The following ARHGEF28 variants were observed in gnomAD, a reference collection of about 807,000 sequenced individuals.
ARHGEF28 encodes 190 kDa guanine nucleotide exchange factor.
A neutral mutation model predicts 206.6 loss-of-function variants in ARHGEF28; 152 were observed. That is an observed-to-expected ratio of 0.74 (90% confidence interval 0.64 to 0.84). The LOEUF (loss-of-function observed/expected upper bound fraction) is 0.84. Ranked by LOEUF, ARHGEF28 falls within the 40% of genes least tolerant of loss-of-function variation. ARHGEF28 has a pLI of 0.00. For missense variants in ARHGEF28, 2,028 were observed against 2,073.2 expected, an observed-to-expected ratio of 0.98 and a Z score of 0.42; for synonymous variants, 763 against 776.4, an observed-to-expected ratio of 0.98 and a Z score of 0.29.
intron 21 of ARHGEF28, 103 bp downstream of exon 21, chr5:73,870,312 AT>A: frequency 7.4e-7 from 1 of 1,347,296 alleles, no homozygotes; most frequent in Admixed American, 2.8e-5. Context: ...CAGTTCTATC[AT>A]TTTCTATTTA....
At chr5:73,667,681 T>G (rs1476785467) in intron 1 of ARHGEF28, among the ~76,000 whole-genome samples, 1 of 152,236 alleles carries the variant, frequency 6.6e-6, no homozygotes, top group Non-Finnish European at 1.5e-5. Context: ...GGCTGAGAGT[T>G]TCCCAAACCT....
chr5:73,828,940 C>T (rs1757114563), intron 9 of ARHGEF28, among the ~76,000 whole-genome samples: 2 of 152,146 alleles, frequency 1.3e-5, no homozygotes, highest in African/African-American at 4.8e-5. Context: ...CTCACTTCAG[C>T]TTCCTGAGTA....
At position 73,846,445 on chromosome 5, in the gene ARHGEF28, C is replaced by T. The variant is rs748077013; in HGVS notation, c.1605C>T (p.Ser535=). The change falls in exon 12 of 36, where the codon TCC becomes TCT. Residue 535 remains serine, a synonymous_variant. Transcript: ENST00000513042. ...EPDFNISRAE[S]LPLSSNLQSK... ...ATTTTAATATCTCCAGGGCTGAATC[C>T]CTTCCTCTATCAAGTAATCTACAGT... 6.2e-7 allele frequency: 1 copy of T among 1,613,848 alleles called. No individual in the cohort carries two copies.
intron 2 of ARHGEF28, among the ~76,000 whole-genome samples, chr5:73,727,664 T>G (rs74796496): frequency 1.3e-5 from 2 of 152,208 alleles, no homozygotes; most frequent in Admixed American, 1.3e-4. Context: ...TTTTCTTGGA[T>G]ATCATCCTTT....
intron 9 of ARHGEF28, among the ~76,000 whole-genome samples, chr5:73,806,039 A>T (rs1426476411): frequency 6.6e-6 from 1 of 151,544 alleles, no homozygotes; most frequent in East Asian, 1.9e-4. Flanking sequence ...TGCTCATTTG[A>T]TACCTCATAG....
At chr5:73,828,622 T>TCCTTTTTCCTTTCCTTTCTTTTTC (rs1757068230) in intron 9 of ARHGEF28, among the ~76,000 whole-genome samples, 1 of 151,818 alleles carries the variant, frequency 6.6e-6, no homozygotes. Flanking sequence ...CTTTCTTTTT[T>TCCTTTTTCCTTTCCTTTCTTTTTC]CCTTTTTCCT....
At position 73,941,210 on chromosome 5, in the gene ARHGEF28, C is replaced by A; in HGVS notation, c.*197C>A. The stretch of plus-strand genomic sequence containing the variant: ...GCCACCCTGTTTGTATAATCTTTAA[C>A]TTATCAAATCTAATTTCAGATTTCT... On this transcript the variant is annotated 3_prime_UTR_variant, in exon 36 of 36. Coordinates refer to ENST00000513042, the MANE Select transcript of ARHGEF28 (RefSeq NM_001177693.2). The A allele has an allele frequency of 3.1e-6, 1 of 321,584 alleles. No individual in the cohort carries two copies. The highest frequency in any genetic ancestry group is 5.3e-6 in the Non-Finnish European group (1 of 188,960). The allele number at this position is 321,584 out of a possible 1,614,324, so 19.9% of individuals were successfully genotyped here.
chr5:73,732,836 C>T (rs1212322387), intron 2 of ARHGEF28, among the ~76,000 whole-genome samples: 1 of 152,092 alleles, frequency 6.6e-6, no homozygotes, highest in Non-Finnish European at 1.5e-5. Flanking sequence ...ATAGCGGAAA[C>T]ACACAAACAG....
intron 35 of ARHGEF28, among the ~76,000 whole-genome samples, chr5:73,926,931 T>G (rs747570925): frequency 9.8e-5 from 15 of 152,318 alleles, no homozygotes; most frequent in Non-Finnish European, 2.1e-4. Flanking sequence ...CTGATGCTAG[T>G]CTTCATGATC....
chr5:73,931,934 T>C (rs1490975401), intron 35 of ARHGEF28, among the ~76,000 whole-genome samples: 2 of 152,236 alleles, frequency 1.3e-5, no homozygotes, highest in African/African-American at 4.8e-5. Flanking sequence ...ATACATTATG[T>C]TGTTTTTGTA....
chr5:73,861,244 A>G (rs1338154190), intron 16 of ARHGEF28, among the ~76,000 whole-genome samples: 1 of 152,174 alleles, frequency 6.6e-6, no homozygotes, highest in African/African-American at 2.4e-5. Flanking sequence ...TTTGTAGTAA[A>G]GAATATGTTG....
chr5:73,663,187 C>T, intron 1 of ARHGEF28, among the ~76,000 whole-genome samples: 1 of 152,184 alleles, frequency 6.6e-6, no homozygotes, highest in East Asian at 1.9e-4. Context: ...AACTCCTGAT[C>T]TCAGATGATC....
intron 1 of ARHGEF28, among the ~76,000 whole-genome samples, chr5:73,645,350 A>C (rs1157397599): frequency 1.3e-5 from 2 of 152,160 alleles, no homozygotes; most frequent in Non-Finnish European, 2.9e-5. Context: ...TTACATAATT[A>C]GGTTGTTAGG....
At chr5:73,732,015 C>CT (rs530373615) in intron 2 of ARHGEF28, among the ~76,000 whole-genome samples, 4,509 of 130,550 alleles carry the variant, frequency 0.035, 210 homozygotes, top group African/African-American at 0.11. Context: ...ATTTAGTGAA[C>CT]TTTTTTTTTT....
rs549657980 is a variant in ARHGEF28, at chr5:73,801,315, T to C, written c.1024+5924T>C. 6.5e-4 allele frequency among the ~76,000 whole-genome samples: 98 copies of C among 151,884 alleles called. 2 individuals are homozygous for C. Among genetic ancestry groups the C allele is most frequent in the Middle Eastern group, 3.4e-3 (1 of 292 alleles). ...CAAAAAAATTAGCCAGGCGTGGTGG[T>C]AGGCGCCTGTAATCCCAGCTACTTG... On this transcript the variant is annotated intron_variant, in intron 9 of 35. Coordinates refer to ENST00000513042, the MANE Select transcript of ARHGEF28 (RefSeq NM_001177693.2).
intron 2 of ARHGEF28, 76 bp from the exon 3 acceptor site, chr5:73,749,761 C>T: frequency 6.5e-7 from 1 of 1,537,992 alleles, no homozygotes. Context: ...TGTTATGGAC[C>T]CAGGTCCTTT....
chr5:73,916,056 T>C (rs1763194704), intron 35 of ARHGEF28, among the ~76,000 whole-genome samples: 1 of 152,194 alleles, frequency 6.6e-6, no homozygotes, highest in Admixed American at 6.5e-5. Context: ...GAATACCTCA[T>C]CTTGATAATT....
At chr5:73,889,181 A>G (rs1237917053) in intron 26 of ARHGEF28, among the ~76,000 whole-genome samples, 1 of 152,218 alleles carries the variant, frequency 6.6e-6, no homozygotes, top group Admixed American at 6.5e-5. Flanking sequence ...CTAGAATTTT[A>G]GAAAGTTTTC....
At chr5:73,770,391 T>C (rs182433084) in intron 4 of ARHGEF28, among the ~76,000 whole-genome samples, 149 of 152,332 alleles carry the variant, frequency 9.8e-4, no homozygotes, top group Admixed American at 1.4e-3. Context: ...CAGTTCCTTT[T>C]TGTGTCTTGG....
Sources: gnomAD v4.1 joint callset for allele counts (sites outside exome capture counted in the v4.1 genomes callset) on GRCh38, gnomAD v4.1.1 for gene constraint, MANE v1.5 for transcripts, NCBI Gene and HGNC (gene_info 2026-07-23, HGNC 2026-07-21) for gene names.